The following STK3 variants were observed in gnomAD, a reference collection of about 807,000 sequenced individuals.
STK3 encodes the protein serine/threonine kinase 3, also known as serine/threonine-protein kinase 3.
In STK3, 41 loss-of-function variants were observed where a neutral mutation model predicts 58.0. The ratio of observed to expected loss-of-function variants is 0.71; its 90% CI spans 0.55 to 0.92. The LOEUF is 0.92. STK3 is among the 40% of genes least tolerant of loss of function. The pLI, the probability that STK3 is intolerant of heterozygous loss-of-function variation, is 0.00. For missense variants in STK3, 479 were observed against 602.7 expected, an observed-to-expected ratio of 0.79 and a Z score of 2.15; for synonymous variants, 170 against 191.0, an observed-to-expected ratio of 0.89 and a Z score of 0.91.
intron 1 of STK3, among the ~76,000 whole-genome samples, chr8:98,894,698 G>A (rs565194823): frequency 1.8e-4 from 27 of 152,234 alleles, no homozygotes; most frequent in African/African-American, 5.1e-4. Context: ...AACAGTGCCC[G>A]ACATACAGTA....
intron 4 of STK3, among the ~76,000 whole-genome samples, chr8:98,719,029 C>T (rs1827221160): frequency 6.6e-6 from 1 of 152,074 alleles, no homozygotes; most frequent in East Asian, 1.9e-4. Context: ...CTTGTCGATA[C>T]AAAAAGAAAG....
chr8:98,619,375 T>C (rs910465223), intron 6 of STK3, among the ~76,000 whole-genome samples: 1 of 151,216 alleles, frequency 6.6e-6, no homozygotes. Context: ...GAAGAAAACC[T>C]AGGCATTACC....
At chr8:98,497,922 T>G (rs537943998) in intron 10 of STK3, among the ~76,000 whole-genome samples, 1 of 152,322 alleles carries the variant, frequency 6.6e-6, no homozygotes, top group African/African-American at 2.4e-5. Flanking sequence ...TATTCAGCAA[T>G]TCTTCTCCTA....
intron 1 of STK3, among the ~76,000 whole-genome samples, chr8:98,386,718 G>A (rs955797099): frequency 6.6e-6 from 1 of 152,132 alleles, no homozygotes; most frequent in Non-Finnish European, 1.5e-5. Flanking sequence ...GGTGGCTTAC[G>A]TCTGTAATCC....
At chr8:98,782,157 C>T in intron 1 of STK3, 1 of 223,598 alleles carries the variant, frequency 4.5e-6, no homozygotes, top group Non-Finnish European at 9.1e-6. Context: ...CTCCTGTCAG[C>T]AGATCCAGAA....
intron 10 of STK3, among the ~76,000 whole-genome samples, chr8:98,475,326 G>C (rs191835936): frequency 2.0e-5 from 3 of 152,172 alleles, no homozygotes; most frequent in Admixed American, 6.5e-5. Flanking sequence ...ACCAAGAACA[G>C]GGGTGAGAAG....
intron 6 of STK3, chr8:98,633,489 T>C: frequency 6.4e-6 from 4 of 627,842 alleles, no homozygotes; most frequent in South Asian, 3.5e-5. Flanking sequence ...GGTAGAACGA[T>C]GGCGGTGGCG....
chr8:98,381,386 G>A (rs1214210812), intron 1 of STK3, among the ~76,000 whole-genome samples: 5 of 152,182 alleles, frequency 3.3e-5, no homozygotes, highest in African/African-American at 1.2e-4. Flanking sequence ...AATCTTAACT[G>A]TAGATTCACT....
chr8:98,691,515 G>A (rs1182874190), intron 6 of STK3, among the ~76,000 whole-genome samples: 1 of 152,072 alleles, frequency 6.6e-6, no homozygotes, highest in Non-Finnish European at 1.5e-5. Context: ...AAGTGATATG[G>A]GGACAACTGG....
intron 1 of STK3, among the ~76,000 whole-genome samples, chr8:98,907,710 T>C (rs1041845306): frequency 2.6e-4 from 40 of 152,308 alleles, no homozygotes; most frequent in Admixed American, 1.8e-3. Context: ...AATCACATTA[T>C]AGTACCTAAA....
At chr8:98,651,477 CA>C (rs1383819843) in intron 6 of STK3, 2 of 152,302 alleles carry the variant, frequency 1.3e-5, no homozygotes, top group Non-Finnish European at 2.9e-5. Context: ...AGCAACGGAA[CA>C]AAGCTGGACG....
intron 6 of STK3, among the ~76,000 whole-genome samples, chr8:98,611,000 G>A (rs1817152031): frequency 6.6e-6 from 1 of 152,120 alleles, no homozygotes; most frequent in Non-Finnish European, 1.5e-5. Flanking sequence ...TCAAAATCCA[G>A]TCATATCTAA....
chr8:98,487,286 C>T (rs1300453673), intron 10 of STK3, among the ~76,000 whole-genome samples: 1 of 152,160 alleles, frequency 6.6e-6, no homozygotes, highest in Non-Finnish European at 1.5e-5. Context: ...AAGGATTTGG[C>T]ACTGGCACTA....
At chr8:98,691,934 A>G (rs1824441017) in intron 6 of STK3, among the ~76,000 whole-genome samples, 1 of 147,758 alleles carries the variant, frequency 6.8e-6, no homozygotes, top group Non-Finnish European at 1.5e-5. Flanking sequence ...TCCGCCTCAA[A>G]AAAAAAAAAA....
At chr8:98,866,157 C>A (rs756697108) in intron 3 of STK3, among the ~76,000 whole-genome samples, 4 of 152,258 alleles carry the variant, frequency 2.6e-5, no homozygotes, top group Admixed American at 2.0e-4. Context: ...TCTCAAAGCA[C>A]CTCCTGTTGA....
intron 4 of STK3, among the ~76,000 whole-genome samples, chr8:98,708,485 G>T (rs2131081198): frequency 6.6e-6 from 1 of 152,128 alleles, no homozygotes; most frequent in South Asian, 2.1e-4. Context: ...AAACGTCAGA[G>T]AAAGATTAGG....
At chr8:98,799,357 G>T (rs1291786648) in intron 1 of STK3, among the ~76,000 whole-genome samples, 1 of 151,688 alleles carries the variant, frequency 6.6e-6, no homozygotes, top group African/African-American at 2.4e-5. Flanking sequence ...CAAGCAGAAA[G>T]GAAAGAGAGA....
chr8:98,446,703 G>T (rs1158856037), intron 1 of STK3, among the ~76,000 whole-genome samples: 1 of 152,090 alleles, frequency 6.6e-6, no homozygotes, highest in African/African-American at 2.4e-5. Context: ...GCTAAAAATA[G>T]AACTACTATT....
chr8:98,820,527 T>C (rs576793062), intron 1 of STK3, among the ~76,000 whole-genome samples: 1 of 152,220 alleles, frequency 6.6e-6, no homozygotes, highest in Non-Finnish European at 1.5e-5. Flanking sequence ...AAATATATTT[T>C]CATGCTGCCC....
Sources: gnomAD v4.1 joint callset for allele counts (sites outside exome capture counted in the v4.1 genomes callset) on GRCh38, gnomAD v4.1.1 for gene constraint, MANE v1.5 for transcripts, NCBI Gene and HGNC (gene_info 2026-07-23, HGNC 2026-07-21) for gene names.